The following IPCEF1 variants were observed in gnomAD, a reference collection of about 807,000 sequenced individuals.
The protein encoded by IPCEF1 is interactor protein for cytohesin exchange factors 1.
In IPCEF1, 31 loss-of-function variants were observed where a neutral mutation model predicts 50.9. The ratio of observed to expected loss-of-function variants is 0.61; its 90% CI spans 0.46 to 0.82. The LOEUF is 0.82. IPCEF1 is among the 40% of genes least tolerant of loss of function. The pLI, the probability that IPCEF1 is intolerant of heterozygous loss-of-function variation, is 0.00. For missense variants in IPCEF1, 458 were observed against 514.0 expected (o/e 0.89, Z 1.05); for synonymous variants, 181 against 192.0 (o/e 0.94, Z 0.47).
chr6:154,162,490 A>G (rs1007543846), intron 11 of IPCEF1, among the ~76,000 whole-genome samples: 2 of 152,194 alleles, frequency 1.3e-5, no homozygotes, highest in Non-Finnish European at 2.9e-5. Context: ...CCAATGATCC[A>G]TCTTCAACTT....
chr6:154,206,736 T>C (rs897662120), intron 9 of IPCEF1, among the ~76,000 whole-genome samples: 1 of 152,212 alleles, frequency 6.6e-6, no homozygotes, highest in African/African-American at 2.4e-5. Flanking sequence ...TTTTGAAAGA[T>C]ACTTAGAAGG....
intron 2 of IPCEF1, among the ~76,000 whole-genome samples, chr6:154,285,083 C>T (rs1782327412): frequency 6.6e-6 from 1 of 152,158 alleles, no homozygotes; most frequent in Admixed American, 6.5e-5. Flanking sequence ...GCTCCTGTGC[C>T]TCATTAAGTA....
chr6:154,296,700 G>A (rs1782669138), intron 1 of IPCEF1, among the ~76,000 whole-genome samples: 2 of 151,880 alleles, frequency 1.3e-5, no homozygotes, highest in African/African-American at 2.4e-5. Context: ...ATGGTGGCGG[G>A]CGCCTGTAGT....
At chr6:154,317,548 C>CAAA (rs71021041) in intron 1 of IPCEF1, among the ~76,000 whole-genome samples, 2 of 16,314 alleles carry the variant, frequency 1.2e-4, no homozygotes, top group African/African-American at 3.0e-4. Context: ...GACTCCATCT[C>CAAA]AAAAAAAAAA....
chr6:154,180,657 T>C (rs1014867002), intron 10 of IPCEF1, among the ~76,000 whole-genome samples: 1 of 152,110 alleles, frequency 6.6e-6, no homozygotes, highest in African/African-American at 2.4e-5. Context: ...TGCTATATTT[T>C]CAACTCTGCC....
chr6:154,181,554 A>G (rs9479779), intron 10 of IPCEF1, among the ~76,000 whole-genome samples: 9,291 of 152,302 alleles, frequency 0.061, 348 homozygotes, highest in African/African-American at 0.083. Flanking sequence ...TGAAGACTAT[A>G]TATTTCAAAT....
At chr6:154,355,275 T>G (rs182483374) in intron 1 of IPCEF1, among the ~76,000 whole-genome samples, 12 of 152,322 alleles carry the variant, frequency 7.9e-5, no homozygotes, top group African/African-American at 2.9e-4. Context: ...TGATGTATAT[T>G]TGCTTAACAC....
chr6:154,266,658 T>C (rs994323747), intron 2 of IPCEF1, among the ~76,000 whole-genome samples: 3 of 151,200 alleles, frequency 2.0e-5, no homozygotes, highest in African/African-American at 7.3e-5. Context: ...GCAACTAAGA[T>C]GTGAAAATGT....
chr6:154,240,113 A>G lies in IPCEF1; in HGVS notation c.246+6478T>C, dbSNP rs943810478. Among the ~76,000 whole-genome samples the G allele has an allele frequency of 2.6e-5, 4 of 152,232 alleles. No individual in the cohort carries two copies. The East Asian group carries it at 5.8e-4, about 22-fold the overall frequency. On this transcript the variant is annotated intron_variant, in intron 5 of 11. Coordinates refer to ENST00000367220, the MANE Select transcript of IPCEF1 (RefSeq NM_001130700.2). ...AATAAATTAAAAGCCCATAATTCTC[A>G]TTTTGGTAGAAGTCTGGGAACACAT...
chr6:154,228,815 A>G (rs1265204994), intron 5 of IPCEF1, among the ~76,000 whole-genome samples: 2 of 152,160 alleles, frequency 1.3e-5, no homozygotes, highest in Non-Finnish European at 2.9e-5. Flanking sequence ...TTGAGGCCAG[A>G]CGTTCAAGGC....
At chr6:154,317,548 CAAAAAAAAAAAAAAA>C (rs71021041) in intron 1 of IPCEF1, among the ~76,000 whole-genome samples, 1 of 16,302 alleles carries the variant, frequency 6.1e-5, no homozygotes, top group Non-Finnish European at 9.6e-5. Flanking sequence ...GACTCCATCT[CAAAAAAAAAAAAAAA>C]AAAAAAAAAA....
intron 3 of IPCEF1, among the ~76,000 whole-genome samples, chr6:154,263,458 T>C (rs1471341021): frequency 1.0e-4 from 13 of 129,196 alleles, no homozygotes; most frequent in South Asian, 2.7e-4. Flanking sequence ...TTAAGGAGCA[T>C]GCTGCCTTCA....
chr6:154,316,212 C>T lies in IPCEF1; in HGVS notation c.-61-26456G>A, dbSNP rs1022715188. On this transcript the variant is annotated intron_variant, in intron 1 of 11. Coordinates refer to ENST00000367220, the MANE Select transcript of IPCEF1 (RefSeq NM_001130700.2). Reference sequence around the variant, plus strand: ...AGGTAACACTGTAAAATTGGGTTGCCATTATTGGCCCTCTCCTTCACTCAT... The same window carrying T: ...AGGTAACACTGTAAAATTGGGTTGCTATTATTGGCCCTCTCCTTCACTCAT... Among the ~76,000 whole-genome samples, 8 of 152,216 alleles carry T rather than the reference C, an allele frequency of 5.3e-5. No individual in the cohort carries two copies. In the South Asian group the frequency reaches 1.7e-3, roughly 32 times the overall value.
chr6:154,344,049 C>A, intron 1 of IPCEF1, among the ~76,000 whole-genome samples: 2 of 152,184 alleles, frequency 1.3e-5, no homozygotes, highest in Non-Finnish European at 2.9e-5. Flanking sequence ...CAAACCAATC[C>A]CCTGAGCCCT....
At chr6:154,338,805 C>G (rs1562295174) in intron 1 of IPCEF1, among the ~76,000 whole-genome samples, 1 of 152,020 alleles carries the variant, frequency 6.6e-6, no homozygotes, top group Non-Finnish European at 1.5e-5. Flanking sequence ...ACCTGTGGTC[C>G]CAGCTACTCA....
At chr6:154,318,935 G>A (rs560653118) in intron 1 of IPCEF1, among the ~76,000 whole-genome samples, 27 of 152,188 alleles carry the variant, frequency 1.8e-4, no homozygotes, top group Non-Finnish European at 3.4e-4. Flanking sequence ...AACTTTCAAG[G>A]ATAAATGTGA....
In IPCEF1 at chr6:154,179,306, C is replaced by T. The variant is rs1417949306; in HGVS notation, c.911-11193G>A. On this transcript the variant is annotated intron_variant, in intron 10 of 11. Transcript: ENST00000367220. ...TGGCTACCCTTGTACCTCCAAGAGG[C>T]TTTTCAGTAAAGCAGTATTTTAAAA... 4.6e-5 allele frequency among the ~76,000 whole-genome samples: 7 copies of T among 152,252 alleles called. No individual in the cohort carries two copies. The East Asian group carries it at 1.2e-3, about 25-fold the overall frequency.
chr6:154,190,016 T>C (rs560133533), intron 10 of IPCEF1, among the ~76,000 whole-genome samples: 1 of 151,840 alleles, frequency 6.6e-6, no homozygotes, highest in Non-Finnish European at 1.5e-5. Context: ...AGGTAAGAAA[T>C]TAAATAAAAA....
At chr6:154,200,685 C>T (rs1776996918) in intron 9 of IPCEF1, among the ~76,000 whole-genome samples, 1 of 152,170 alleles carries the variant, frequency 6.6e-6, no homozygotes, top group Non-Finnish European at 1.5e-5. Context: ...CATGCCACTG[C>T]ACTCCAGTCT....
Sources: gnomAD v4.1 joint callset for allele counts (sites outside exome capture counted in the v4.1 genomes callset) on GRCh38, gnomAD v4.1.1 for gene constraint, MANE v1.5 for transcripts, NCBI Gene and HGNC (gene_info 2026-07-23, HGNC 2026-07-21) for gene names.